DNAH1: variants seen among roughly 807,000 people sequenced by gnomAD.
DNAH1 encodes the protein dynein axonemal heavy chain 1.
In DNAH1, 327 loss-of-function variants were observed where a neutral mutation model predicts 484.3. That is an observed-to-expected ratio of 0.68 (90% CI 0.62 to 0.74). The LOEUF is 0.74. DNAH1 is among the 30% of genes least tolerant of loss of function. The pLI is 0.00. For synonymous variants in DNAH1, 2,192 were observed against 2,191.9 expected, an observed-to-expected ratio of 1.00 and a Z score of 0.00; for missense variants, 5,052 against 5,546.8, an observed-to-expected ratio of 0.91 and a Z score of 2.83.
At chr3:52,366,663 T>G in intron 35 of DNAH1, 70 bp from the exon 36 acceptor site, 7 of 1,132,078 alleles carry the variant, frequency 6.2e-6, no homozygotes, top group East Asian at 2.7e-5. Flanking sequence ...CCCCTCCCCC[T>G]CCCCTTGGCC....
intron 8 of DNAH1, among the ~76,000 whole-genome samples, chr3:52,340,673 G>A (rs989897866): frequency 1.3e-5 from 2 of 150,330 alleles, no homozygotes; most frequent in African/African-American, 4.9e-5. Flanking sequence ...GACCTCAGGT[G>A]ATCCACCCAC....
chr3:52,335,934 C>T (rs1701728984), intron 8 of DNAH1, among the ~76,000 whole-genome samples: 1 of 152,106 alleles, frequency 6.6e-6, no homozygotes, highest in Non-Finnish European at 1.5e-5. Flanking sequence ...GCACCCGGCC[C>T]CTTTTTCCCA....
intron 73 of DNAH1, 60 bp downstream of exon 73, chr3:52,397,104 C>G (rs1704671240): frequency 2.0e-6 from 3 of 1,474,526 alleles, no homozygotes; most frequent in Non-Finnish European, 2.7e-6. Flanking sequence ...TCTGGGGTAC[C>G]ATGAGCACCT....
chr3:52,390,912 G>A (rs1413135501), intron 60 of DNAH1, 23 bp from the exon 61 acceptor site: 1 of 1,551,458 alleles, frequency 6.4e-7, no homozygotes, highest in Non-Finnish European at 8.7e-7. Context: ...CTCTGACCCA[G>A]TCCAGTGCCT....
Position 52,331,282 on chromosome 3 carries a change from A to G in DNAH1, c.1006A>G (p.Ile336Val), listed in dbSNP as rs747931853. The G allele has an allele frequency of 3.1e-6, 5 of 1,609,702 alleles. No homozygotes were observed. In the Admixed American group the frequency reaches 5.0e-5, roughly 16 times the overall value. ...GGTGCGAGATGAGATGGGGAGGCCC[A>G]TCCTGAATGCAGGGGTCACCACTGA... ...GLVRDEMGRPILNAGVTTEGR... is the reference protein window; with the variant it reads ...GLVRDEMGRPVLNAGVTTEGR... Residue 336 changes from isoleucine to valine, a missense_variant, in exon 7 of 78, where the codon ATC becomes GTC. By Grantham distance (29) the Ile-to-Val change is conservative. Coordinates refer to ENST00000420323, the MANE Select transcript of DNAH1 (RefSeq NM_015512.5).
chr3:52,383,480 T>C lies in DNAH1; in HGVS notation c.8036T>C (p.Val2679Ala). 3 of 1,613,904 alleles carry C rather than the reference T, an allele frequency of 1.9e-6. No homozygotes were observed. Among genetic ancestry groups the C allele is most frequent in the South Asian group, 2.2e-5 (2 of 91,054 alleles). Residue 2679 changes from valine to alanine, a missense_variant, in exon 51 of 78, where the codon GTC (valine) becomes GCC (alanine). Coordinates refer to ENST00000420323, the MANE Select transcript of DNAH1 (RefSeq NM_015512.5). ...ACTGCGGACGAGCAGGACCAGATCGTCAGCACCATGCGGCCCTATATCCAG... is the reference window on the plus strand; with the variant it reads ...ACTGCGGACGAGCAGGACCAGATCGCCAGCACCATGCGGCCCTATATCCAG... ...LYTADEQDQI[V>A]STMRPYIQEQ...
In DNAH1 at chr3:52,383,704, C is replaced by T. The variant is rs1049464228; in HGVS notation, c.8150+110C>T. The T allele has an allele frequency of 2.8e-5, 40 of 1,404,682 alleles. No individual in the cohort carries two copies. The Admixed American group carries it at 3.3e-4, about 12-fold the overall frequency. The allele number at this position is 1,404,682 out of a possible 1,614,324, so 87.0% of individuals were successfully genotyped here. ...CGCTGGGGCCTGAGATGAGGAGACG[C>T]GGCCCTGGGCCTGGCCATCATGCCA... On this transcript the variant is annotated intron_variant, in intron 51 of 77. Coordinates refer to ENST00000420323, the MANE Select transcript of DNAH1 (RefSeq NM_015512.5).
chr3:52,344,797 A>G (rs1234703441), intron 9 of DNAH1, 150 bp downstream of exon 9: 3 of 909,710 alleles, frequency 3.3e-6, no homozygotes, highest in African/African-American at 3.4e-5. Flanking sequence ...CACTTGTCCC[A>G]CTTCTCCCTG....
Position 52,399,182 on chromosome 3 carries a change from C to G in DNAH1, c.12422C>G (p.Thr4141Ser). 6.2e-7 allele frequency: 1 copy of G among 1,610,300 alleles called. No individual in the cohort carries two copies. Among genetic ancestry groups the G allele is most frequent in the Non-Finnish European group, 8.5e-7 (1 of 1,177,490 alleles). Residue 4141 changes from threonine (T) to serine (S), a missense_variant, in exon 76 of 78, where the codon ACC becomes AGC. Coordinates refer to ENST00000420323, the MANE Select transcript of DNAH1 (RefSeq NM_015512.5). ...FARKFVISID[T>S]ISFDFKVMFE... ...CGCAAATTTGTCATCTCCATTGACA[C>G]CATCTCCTTTGATTTCAAGGTCTGG... is the stretch of plus-strand genomic sequence containing the variant.
intron 65 of DNAH1, 76 bp downstream of exon 65, chr3:52,393,101 C>G: frequency 6.5e-7 from 1 of 1,540,196 alleles, no homozygotes; most frequent in African/African-American, 1.4e-5. Flanking sequence ...GGGGCACACA[C>G]AAACTCACAA....
At position 52,348,945 on chromosome 3, in the gene DNAH1, C is replaced by A. The variant is rs763009975; in HGVS notation, c.2164C>A (p.His722Asn). 3 of 1,613,398 alleles carry A rather than the reference C, an allele frequency of 1.9e-6. No individual in the cohort carries two copies. Among genetic ancestry groups the A allele is most frequent in the Non-Finnish European group, 2.5e-6 (3 of 1,179,906 alleles). Residue 722 changes from histidine to asparagine, a missense_variant, in exon 13 of 78, where the codon CAT becomes AAT. Physicochemically the swap from His to Asn is moderately conservative, Grantham distance 68 (BLOSUM62 1). This residue lies in a region of DNAH1 where 1,263 missense variants were observed against 1,218.8 expected (regional missense o/e 1.04). Transcript: ENST00000420323. ...CCCCCTGCTGGAGTCCGTGGGCCTT[C>A]ATGAGCCACTGGTGGAAGAGCTACG... ...GDPLLESVGL[H>N]EPLVEELRAT...
In DNAH1 at chr3:52,370,168, A is replaced by G. The variant is rs763922942; in HGVS notation, c.6197A>G (p.Asn2066Ser). ...GAGGTGATCGCCTCAACCAACTGCAACCTGACCATGAGCCTCCTCAAGCTG... is the reference window on the plus strand; with the variant it reads ...GAGGTGATCGCCTCAACCAACTGCAGCCTGACCATGAGCCTCCTCAAGCTG... ...VKEVIASTNC[N>S]LTMSLLKLLD... Residue 2066 changes from asparagine to serine, a missense_variant, in exon 39 of 78, where the codon AAC (asparagine) becomes AGC (serine). Asn to Ser is a conservative substitution (Grantham distance 46). Transcript: ENST00000420323. 5 of 1,613,918 alleles carry G rather than the reference A, an allele frequency of 3.1e-6. No homozygotes were observed. In the Admixed American group the frequency reaches 8.3e-5, roughly 27 times the overall value.
Position 52,369,982 on chromosome 3 carries a change from A to G in DNAH1, c.6101A>G (p.Glu2034Gly), listed in dbSNP as rs1484485739. 1.9e-6 allele frequency: 3 copies of G among 1,613,760 alleles called. No individual in the cohort carries two copies. The highest frequency in any genetic ancestry group is 2.5e-6 in the Non-Finnish European group (3 of 1,179,852). The change falls in exon 38 of 78, where the codon GAG becomes GGG. Residue 2034 changes from glutamate to glycine, a missense_variant. This residue lies in a region of DNAH1 where 2,929 missense variants were observed against 3,409.4 expected (regional missense o/e 0.86). Transcript: ENST00000420323. ...CTGCCTCCCTTGCTGAAGCCCTATG[A>G]GGAGCATTTCAAGGCCCTCTTTGTC... ...RKLPPLLKPY[E>G]EHFKALFVSF...
In DNAH1 at chr3:52,392,583, A is replaced by C. The variant is rs767720513; in HGVS notation, c.10172A>C (p.Glu3391Ala). ...ATGCGCCAGGAGCTGAAGGACATTG[A>C]GGACCAGATCCTGTACCGGCTCAGC... is the stretch of plus-strand genomic sequence containing the variant. ...AKMRQELKDI[E>A]DQILYRLSSS... Residue 3391 changes from glutamate to alanine, a missense_variant, in exon 64 of 78, where the codon GAG becomes GCG. Glu to Ala is a moderately radical substitution (Grantham distance 107). Transcript: ENST00000420323. 6.2e-7 allele frequency: 1 copy of C among 1,613,964 alleles called. No homozygotes were observed. The highest frequency in any genetic ancestry group is 8.5e-7 in the Non-Finnish European group (1 of 1,179,874).
chr3:52,363,929 G>A (rs548243411), intron 32 of DNAH1, among the ~76,000 whole-genome samples: 245 of 152,184 alleles, frequency 1.6e-3, no homozygotes, highest in African/African-American at 5.6e-3. Flanking sequence ...GGGTGCCGGC[G>A]CTCCCACACA....
chr3:52,349,165 T>C, intron 13 of DNAH1, 30 bp from the exon 14 acceptor site: 1 of 1,612,262 alleles, frequency 6.2e-7, no homozygotes, highest in South Asian at 1.1e-5. Context: ...CACCATCCTC[T>C]GCCCCCTCCC....
chr3:52,382,852 CACG>C (rs1300583588), intron 50 of DNAH1, among the ~76,000 whole-genome samples: 1 of 152,220 alleles, frequency 6.6e-6, no homozygotes, highest in Non-Finnish European at 1.5e-5. Flanking sequence ...TCTAGGGTCA[CACG>C]ACAGAACAGG....
intron 16 of DNAH1, 132 bp from the exon 17 acceptor site, chr3:52,351,830 A>G: frequency 2.6e-6 from 3 of 1,134,000 alleles, no homozygotes; most frequent in East Asian, 2.6e-5. Context: ...TAGCCTCCAC[A>G]GCTGCCTGGA....
intron 11 of DNAH1, among the ~76,000 whole-genome samples, chr3:52,347,118 G>A (rs893028118): frequency 6.6e-6 from 1 of 152,196 alleles, no homozygotes; most frequent in Non-Finnish European, 1.5e-5. Flanking sequence ...AGTCATTGCC[G>A]GTTTTGGCAG....
Sources: allele counts gnomAD v4.1 joint callset (sites outside exome capture counted in the v4.1 genomes callset), GRCh38; gene constraint gnomAD v4.1.1; regional missense constraint gnomAD v4.1.1; transcripts MANE v1.5; gene names NCBI Gene and HGNC (gene_info 2026-07-23, HGNC 2026-07-21).